The following NRK variants were observed in gnomAD, a reference collection of about 807,000 sequenced individuals.
The protein encoded by NRK is Nik related kinase.
A neutral mutation model predicts 125.2 loss-of-function variants in NRK; 67 were observed. That is an observed-to-expected ratio of 0.54 (90% CI 0.44 to 0.66). The LOEUF is 0.66. Among genes scored for constraint, NRK ranks in the 30% least tolerant of loss-of-function variants. NRK has a pLI of 0.00. For synonymous variants in NRK, 458 were observed against 429.0 expected (o/e 1.07, Z -0.84); for missense variants, 1,224 against 1,192.9 (o/e 1.03, Z -0.38).
intron 23 of NRK, among the ~76,000 whole-genome samples, chrX:105,942,760 A>G (rs1415380692): frequency 9.1e-6 from 1 of 109,915 alleles, no homozygotes; most frequent in African/African-American, 3.3e-5. Flanking sequence ...CTGAGATTAC[A>G]TGTGCTTGCC....
intron 2 of NRK, among the ~76,000 whole-genome samples, chrX:105,842,106 A>G (rs759949180): frequency 8.9e-6 from 1 of 111,792 alleles, no homozygotes; most frequent in African/African-American, 3.2e-5. Context: ...AGATTAGCCA[A>G]TTGAAAAAAC....
intron 4 of NRK, 89 bp from the exon 5 acceptor site, chrX:105,888,205 A>T: frequency 1.4e-6 from 1 of 691,165 alleles, no homozygotes. Context: ...TTGCCATAGG[A>T]TTCTCCTTCA....
chrX:105,853,876 G>C (rs930995659), intron 2 of NRK, among the ~76,000 whole-genome samples: 8 of 112,213 alleles, frequency 7.1e-5, no homozygotes, highest in Non-Finnish European at 1.5e-4. Context: ...TTTGATTATA[G>C]AATTAGGTAC....
chrX:105,840,613 C>T (rs1194601081), intron 2 of NRK, among the ~76,000 whole-genome samples: 1 of 110,473 alleles, frequency 9.1e-6, no homozygotes, highest in Non-Finnish European at 1.9e-5. Context: ...TAATGCAGTT[C>T]CTTAAAAATA....
chrX:105,860,667 A>G (rs965023923), intron 2 of NRK, among the ~76,000 whole-genome samples: 1 of 110,486 alleles, frequency 9.1e-6, no homozygotes. Context: ...TTTTATGACA[A>G]ACTACTTTCT....
rs1022149076 is a variant in NRK, at chrX:105,911,613, T to C, written c.2242-1035T>C. ...GAGAAGCAAGGCCCAAAAGGGAAAA[T>C]GGATGTCTAGTTCTCAGAGAAAAAG... On this transcript the variant is annotated intron_variant, in intron 13 of 28. Transcript: ENST00000243300. Among the ~76,000 whole-genome samples the C allele has an allele frequency of 2.7e-5, 3 of 110,558 alleles. 1 individual carries two copies. The South Asian group carries it at 1.1e-3, about 42-fold the overall frequency.
At chrX:105,921,832 C>G in intron 16 of NRK, 132 bp from the exon 17 acceptor site, 1 of 374,615 alleles carries the variant, frequency 2.7e-6, no homozygotes, top group South Asian at 5.8e-5. Context: ...GTGATACTTC[C>G]TGAATGGAAT....
intron 2 of NRK, among the ~76,000 whole-genome samples, chrX:105,870,699 G>C (rs910612206): frequency 9.0e-6 from 1 of 111,341 alleles, no homozygotes. Flanking sequence ...GTAATAACAA[G>C]GGCAATAAAA....
rs34843921 is a variant in NRK, at chrX:105,858,382, GT to G, written c.124-21802del. On this transcript the variant is annotated intron_variant, in intron 2 of 28. Coordinates refer to ENST00000243300, the MANE Select transcript of NRK (RefSeq NM_198465.4). ...CCAAAAAAAATGTGTACCATCTCCA[GT>G]TTTTTTTTTTTTTTACTTTTTTCTA... 3.2e-3 allele frequency among the ~76,000 whole-genome samples: 313 copies of G among 96,884 alleles called. 1 individual carries two copies. Among genetic ancestry groups the G allele is most frequent in the Admixed American group, 6.3e-3 (56 of 8,892 alleles). The allele number at this position is 96,884 out of a possible 115,157, so 84.1% of individuals were successfully genotyped here. A position where few individuals can be genotyped will look rare whatever the true frequency, so the allele number is the denominator to read the frequency against.
chrX:105,894,681 T>C (rs746864060), intron 6 of NRK, among the ~76,000 whole-genome samples: 9 of 112,165 alleles, frequency 8.0e-5, no homozygotes, highest in African/African-American at 1.9e-4. Context: ...CAAGGCTCAC[T>C]TTCCTCATCT....
chrX:105,842,574 T>C (rs1056459923), intron 2 of NRK, among the ~76,000 whole-genome samples: 4 of 111,901 alleles, frequency 3.6e-5, no homozygotes, highest in African/African-American at 1.3e-4. Context: ...AAAAAACAAT[T>C]TGTGTATTTT....
intron 4 of NRK, among the ~76,000 whole-genome samples, chrX:105,884,193 C>G (rs1401181025): frequency 9.0e-6 from 1 of 111,705 alleles, no homozygotes; most frequent in African/African-American, 3.3e-5. Flanking sequence ...ATATCAGGAC[C>G]TATCCTTTTC....
At chrX:105,881,665 G>T in intron 3 of NRK, 43 bp from the exon 4 acceptor site, 1 of 755,922 alleles carries the variant, frequency 1.3e-6, no homozygotes. Context: ...ATCATTTTTA[G>T]AGTGTACCAG....
intron 2 of NRK, among the ~76,000 whole-genome samples, chrX:105,869,338 T>G (rs2039712337): frequency 8.9e-6 from 1 of 111,826 alleles, no homozygotes; most frequent in Non-Finnish European, 1.9e-5. Context: ...ATGTCTATGT[T>G]TAAAAGCATT....
chrX:105,940,166 T>G, intron 23 of NRK, 134 bp downstream of exon 23: 1 of 457,331 alleles, frequency 2.2e-6, no homozygotes, highest in Non-Finnish European at 3.7e-6. Context: ...ATCAGGGACG[T>G]TCAGGGTGGT....
At chrX:105,865,014 C>A (rs775021815) in intron 2 of NRK, among the ~76,000 whole-genome samples, 1 of 111,432 alleles carries the variant, frequency 9.0e-6, no homozygotes, top group Admixed American at 9.6e-5. Context: ...TTTATGCCCC[C>A]CTTCAGGCTC....
At chrX:105,830,990 AG>A in intron 1 of NRK, 63 bp from the exon 2 acceptor site, 3 of 672,074 alleles carry the variant, frequency 4.5e-6, no homozygotes, top group Admixed American at 2.6e-5. Flanking sequence ...ATTAAAAAAA[AG>A]ATAGTTGAAT....
intron 17 of NRK, among the ~76,000 whole-genome samples, chrX:105,922,347 C>G (rs2040463156): frequency 9.0e-6 from 1 of 111,317 alleles, no homozygotes; most frequent in Non-Finnish European, 1.9e-5. Flanking sequence ...TTTGTAAAAC[C>G]TAATCTCAGA....
At chrX:105,830,174 T>G (rs2039168500) in intron 1 of NRK, among the ~76,000 whole-genome samples, 1 of 107,253 alleles carries the variant, frequency 9.3e-6, no homozygotes, top group African/African-American at 3.4e-5. Flanking sequence ...AAACCCCGTC[T>G]CTGCTAAAAA....
Sources: allele counts gnomAD v4.1 joint callset (sites outside exome capture counted in the v4.1 genomes callset), GRCh38; gene constraint gnomAD v4.1.1; transcripts MANE v1.5; gene names NCBI Gene and HGNC (gene_info 2026-07-23, HGNC 2026-07-21).